Variants in NEIL2 observed in about 807,000 individuals in gnomAD.
The protein encoded by NEIL2 is nei like DNA glycosylase 2.
NEIL2 carries 23 observed loss-of-function variants against 22.2 expected under a neutral mutation model. The observed-to-expected ratio is 1.04, with a 90% CI of 0.75 to 1.47. NEIL2 has a LOEUF of 1.47. Among genes scored for constraint, NEIL2 ranks in the 40% most tolerant of loss-of-function variants. NEIL2 has a pLI of 0.00. For missense variants in NEIL2, 583 were observed against 404.7 expected, an observed-to-expected ratio of 1.44 and a Z score of -3.78; for synonymous variants, 229 against 164.8, an observed-to-expected ratio of 1.39 and a Z score of -2.99.
Position 11,781,276 on chromosome 8 carries a change from A to G in NEIL2, c.491+1326A>G, listed in dbSNP as rs192490794. On this transcript the variant is annotated intron_variant, in intron 3 of 4. Coordinates refer to ENST00000284503, the MANE Select transcript of NEIL2 (RefSeq NM_145043.4). ...TTTGGGCTCACATGACTGGAAGTTC[A>G]GAAGGAGGGTGGGCTTTGGGGCTGC... is the stretch of plus-strand genomic sequence containing the variant. Among the ~76,000 whole-genome samples the G allele has an allele frequency of 4.2e-3, 633 of 152,290 alleles. 5 individuals are homozygous for G. The highest frequency in any genetic ancestry group is 0.014 in the African/African-American group (590 of 41,534).
intron 2 of NEIL2, among the ~76,000 whole-genome samples, chr8:11,777,439 A>T (rs957882972): frequency 1.3e-5 from 2 of 151,998 alleles, no homozygotes; most frequent in Non-Finnish European, 2.9e-5. Flanking sequence ...TATATAGTTC[A>T]GTCATGTTAA....
At chr8:11,773,158 C>T (rs1258056496) in intron 2 of NEIL2, among the ~76,000 whole-genome samples, 2 of 152,166 alleles carry the variant, frequency 1.3e-5, no homozygotes, top group Admixed American at 6.5e-5. Flanking sequence ...GCAGAATTGT[C>T]TCTTGTCTCT....
intron 2 of NEIL2, among the ~76,000 whole-genome samples, chr8:11,773,582 C>T (rs1486590313): frequency 6.6e-6 from 1 of 152,062 alleles, no homozygotes; most frequent in Non-Finnish European, 1.5e-5. Context: ...GGAGGTAGGA[C>T]TTGAGTTGGG....
In NEIL2 at chr8:11,786,322, G is replaced by C. The variant is rs200816367; in HGVS notation, c.*49G>C. 6.4e-7 allele frequency: 1 copy of C among 1,560,682 alleles called. No homozygotes were observed. The highest frequency in any genetic ancestry group is 1.4e-5 in the African/African-American group (1 of 73,628). ...AACCTTGCCGCTTGGGGAACCTGACGTCTAAGTGTCCAGAAAGGAGGATGT... is the reference window on the plus strand; with the variant it reads ...AACCTTGCCGCTTGGGGAACCTGACCTCTAAGTGTCCAGAAAGGAGGATGT... On this transcript the variant is annotated 3_prime_UTR_variant, in exon 5 of 5. Coordinates refer to ENST00000284503, the MANE Select transcript of NEIL2 (RefSeq NM_145043.4).
chr8:11,771,571 C>T lies in NEIL2; in HGVS notation c.124C>T (p.Leu42Phe). Reference sequence around the variant, plus strand: ...GCCCGCCAGCCTGCAGTCTCTGTGGCTCCAGGACACCCAGGTGAGGTAATA... The same window carrying T: ...GCCCGCCAGCCTGCAGTCTCTGTGGTTCCAGGACACCCAGGTGAGGTAATA... The part of the protein sequence containing the change: ...LQPASLQSLW[L>F]QDTQVHGKKL... The change falls in exon 2 of 5, where the codon CTC (leucine) becomes TTC (phenylalanine). Residue 42 changes from leucine to phenylalanine, a missense_variant. Transcript: ENST00000284503. 1.2e-6 allele frequency: 2 copies of T among 1,613,940 alleles called. No individual in the cohort carries two copies. The highest frequency in any genetic ancestry group is 1.7e-5 in the Admixed American group (1 of 60,000).
intron 4 of NEIL2, among the ~76,000 whole-genome samples, chr8:11,784,976 C>T (rs1804765353): frequency 6.6e-6 from 1 of 152,064 alleles, no homozygotes; most frequent in Admixed American, 6.6e-5. Flanking sequence ...TCAAGCGATC[C>T]TCCCACCTTA....
chr8:11,784,951 C>T (rs755163396), intron 4 of NEIL2, among the ~76,000 whole-genome samples: 5 of 152,160 alleles, frequency 3.3e-5, no homozygotes, highest in African/African-American at 1.2e-4. Flanking sequence ...CCACTGCAGC[C>T]TCAACCTCTG....
In NEIL2 at chr8:11,783,106, G is replaced by A. The variant is rs549665074; in HGVS notation, c.492-97G>A. 3.9e-5 allele frequency: 38 copies of A among 976,028 alleles called. No homozygotes were observed. In the African/African-American group the frequency reaches 5.7e-4, roughly 15 times the overall value. The allele number at this position is 976,028 out of a possible 1,614,324, so 60.5% of individuals were successfully genotyped here. A position where few individuals can be genotyped will look rare whatever the true frequency, so the allele number is the denominator to read the frequency against. On this transcript the variant is annotated intron_variant, in intron 3 of 4. Coordinates refer to ENST00000284503, the MANE Select transcript of NEIL2 (RefSeq NM_145043.4). ...GTGTGCTCTATGTTGTGGTAACGAT[G>A]TGGGGATGTGTGTATGTGTGTATGA... is the stretch of plus-strand genomic sequence containing the variant.
chr8:11,779,765 A>T lies in NEIL2; in HGVS notation c.306A>T (p.Ser102=). Residue 102 remains serine (S), a synonymous_variant, in exon 3 of 5, where the codon TCA becomes TCT. Coordinates refer to ENST00000284503, the MANE Select transcript of NEIL2 (RefSeq NM_145043.4). The stretch of plus-strand genomic sequence containing the variant: ...GGCAGAAGACCCTTGATGGATCCTC[A>T]CGGTCTGCAGAGCTCGTCCCCCAGG... ...PSGQKTLDGS[S]RSAELVPQGE... is the part of the protein sequence containing the mutation. 6.2e-7 allele frequency: 1 copy of T among 1,614,236 alleles called. No individual in the cohort carries two copies. Among genetic ancestry groups the T allele is most frequent in the Non-Finnish European group, 8.5e-7 (1 of 1,180,048 alleles).
intron 2 of NEIL2, among the ~76,000 whole-genome samples, chr8:11,779,391 C>T (rs1804192728): frequency 6.6e-6 from 1 of 152,200 alleles, no homozygotes; most frequent in Non-Finnish European, 1.5e-5. Flanking sequence ...CCAACTAAGT[C>T]TCCTTGCTCC....
intron 3 of NEIL2, among the ~76,000 whole-genome samples, chr8:11,781,608 G>A (rs111679944): frequency 4.0e-4 from 61 of 152,316 alleles, no homozygotes; most frequent in Non-Finnish European, 7.1e-4. Flanking sequence ...ATATAGTGCC[G>A]TAGAGTGAAT....
intron 2 of NEIL2, 125 bp from the exon 3 acceptor site, chr8:11,779,461 CAGAGTCCAAAGA>C (rs1804199692): frequency 2.6e-6 from 2 of 764,010 alleles, no homozygotes; most frequent in Non-Finnish European, 2.3e-6. Flanking sequence ...GAGCAAAAGG[CAGAGTCCAAAGA>C]CTTCATTTGG....
At chr8:11,773,187 A>G (rs185566329) in intron 2 of NEIL2, among the ~76,000 whole-genome samples, 3 of 152,292 alleles carry the variant, frequency 2.0e-5, no homozygotes, top group Non-Finnish European at 2.9e-5. Flanking sequence ...AGCACTTACC[A>G]GGGTGTCTGC....
intron 2 of NEIL2, among the ~76,000 whole-genome samples, chr8:11,774,053 A>G (rs804261): frequency 0.42 from 64,013 of 152,082 alleles, 14,556 homozygotes; most frequent in East Asian, 0.71. Flanking sequence ...GTGGAAGGCA[A>G]GAGAGCTTGT....
At chr8:11,775,435 A>G (rs894959969) in intron 2 of NEIL2, among the ~76,000 whole-genome samples, 3 of 152,134 alleles carry the variant, frequency 2.0e-5, no homozygotes, top group African/African-American at 7.2e-5. Flanking sequence ...TGGCCCAGGA[A>G]ACCATTTTTT....
At chr8:11,776,153 C>G (rs1803888474) in intron 2 of NEIL2, among the ~76,000 whole-genome samples, 1 of 152,182 alleles carries the variant, frequency 6.6e-6, no homozygotes, top group Non-Finnish European at 1.5e-5. Context: ...TCTGGGGAGT[C>G]CTCATAATCA....
chr8:11,771,856 G>A (rs8191533), intron 2 of NEIL2, among the ~76,000 whole-genome samples: 1 of 152,182 alleles, frequency 6.6e-6, no homozygotes, highest in African/African-American at 2.4e-5. Flanking sequence ...CAGCTGATGG[G>A]CACCTTTGGC....
intron 4 of NEIL2, among the ~76,000 whole-genome samples, chr8:11,785,262 C>G (rs1563266874): frequency 6.6e-6 from 1 of 152,176 alleles, no homozygotes. Flanking sequence ...GTGGCACAAT[C>G]TCAGATTACT....
Position 11,769,910 on chromosome 8 carries a change from C to G in NEIL2, c.-428C>G, listed in dbSNP as rs900775620. 7 of 152,544 alleles carry G rather than the reference C, an allele frequency of 4.6e-5. No individual in the cohort carries two copies. Among genetic ancestry groups the G allele is most frequent in the Middle Eastern group, 3.4e-3 (1 of 294 alleles). 9.4% of individuals were successfully genotyped at this position (152,544 alleles called of 1,614,324 possible). On this transcript the variant is annotated 5_prime_UTR_variant, in exon 1 of 5. Transcript: ENST00000284503. The stretch of plus-strand genomic sequence containing the variant: ...GTCTCAGCCGCCTGCGGAGGTGCTG[C>G]CCACGCCTGGAGGCCCCCACTGACC...
Sources: allele counts gnomAD v4.1 joint callset (sites outside exome capture counted in the v4.1 genomes callset), GRCh38; gene constraint gnomAD v4.1.1; transcripts MANE v1.5; gene names NCBI Gene and HGNC (gene_info 2026-07-23, HGNC 2026-07-21).